Variants in TOX observed in about 807,000 individuals in gnomAD.
TOX encodes thymocyte selection-associated high mobility group box protein TOX.
Under a neutral mutation model 53.7 loss-of-function variants are expected in TOX, and 11 were observed. That is an observed-to-expected ratio of 0.20 (90% CI 0.13 to 0.34). TOX has a LOEUF of 0.34. Ranked by LOEUF, TOX falls within the 10% of genes least tolerant of loss-of-function variation. The probability of loss-of-function intolerance (pLI) is 1.00; values close to 1 mark genes in which losing one functional copy is unlikely to be tolerated. For synonymous variants in TOX, 225 were observed against 245.3 expected, an observed-to-expected ratio of 0.92 and a Z score of 0.77; for missense variants, 570 against 664.6, an observed-to-expected ratio of 0.86 and a Z score of 1.56.
intron 1 of TOX, among the ~76,000 whole-genome samples, chr8:59,002,358 C>G (rs775394943): frequency 3.3e-5 from 5 of 150,752 alleles, no homozygotes; most frequent in Non-Finnish European, 7.4e-5. Flanking sequence ...TTTGGGAGGC[C>G]GAGGAGGGCG....
chr8:59,052,628 T>C (rs930537364), intron 1 of TOX, among the ~76,000 whole-genome samples: 4 of 152,214 alleles, frequency 2.6e-5, no homozygotes, highest in Non-Finnish European at 5.9e-5. Context: ...TATGCTGTTA[T>C]GTTTTTACAT....
intron 1 of TOX, among the ~76,000 whole-genome samples, chr8:59,010,480 G>T (rs1813884204): frequency 6.6e-6 from 1 of 152,142 alleles, no homozygotes; most frequent in African/African-American, 2.4e-5. Context: ...ATGCAAAATG[G>T]CAAAGGTCTT....
chr8:58,983,979 T>G (rs186082298), intron 1 of TOX, among the ~76,000 whole-genome samples: 1 of 152,320 alleles, frequency 6.6e-6, no homozygotes, highest in Non-Finnish European at 1.5e-5. Flanking sequence ...TGAGGCATAT[T>G]TGCCTGAGGA....
intron 1 of TOX, among the ~76,000 whole-genome samples, chr8:58,998,246 T>C (rs1813598494): frequency 6.6e-6 from 1 of 150,918 alleles, no homozygotes; most frequent in Non-Finnish European, 1.5e-5. Context: ...CCCAGCACTT[T>C]GGGAGGCTGA....
chr8:58,909,240 T>C (rs1811869515), intron 3 of TOX, among the ~76,000 whole-genome samples: 1 of 152,194 alleles, frequency 6.6e-6, no homozygotes. Flanking sequence ...CTATTCAAAA[T>C]GTGGATCCTG....
intron 3 of TOX, among the ~76,000 whole-genome samples, chr8:58,852,453 G>A (rs1465523833): frequency 6.6e-6 from 1 of 152,154 alleles, no homozygotes; most frequent in Non-Finnish European, 1.5e-5. Flanking sequence ...CTCTAAAATT[G>A]CAAGGTCAAC....
chr8:58,894,782 A>G (rs756342490), intron 3 of TOX, among the ~76,000 whole-genome samples: 18 of 152,014 alleles, frequency 1.2e-4, no homozygotes, highest in Non-Finnish European at 2.2e-4. Flanking sequence ...TGTAATCCCA[A>G]ATACTCGGGA....
intron 2 of TOX, among the ~76,000 whole-genome samples, chr8:58,947,897 CAAT>C (rs1366755477): frequency 1.3e-5 from 2 of 152,176 alleles, no homozygotes; most frequent in East Asian, 3.8e-4. Context: ...GCTGTCCAGG[CAAT>C]AGCATGCAGG....
rs560208673 is a variant in TOX, at chr8:59,005,776, C to G, written c.103-45768G>C. 2.6e-5 allele frequency among the ~76,000 whole-genome samples: 4 copies of G among 152,316 alleles called. No homozygotes were observed. The South Asian group carries it at 8.3e-4, about 32-fold the overall frequency. On this transcript the variant is annotated intron_variant, in intron 1 of 8. Coordinates refer to ENST00000361421, the MANE Select transcript of TOX (RefSeq NM_014729.3). The stretch of plus-strand genomic sequence containing the variant: ...GAAACACAGTGTCTTTTATTTTTCT[C>G]CACTCTACTGCAGTGAAGCTGAAAG...
At chr8:59,081,824 T>G (rs1007401452) in intron 1 of TOX, among the ~76,000 whole-genome samples, 7 of 152,078 alleles carry the variant, frequency 4.6e-5, no homozygotes, top group African/African-American at 1.7e-4. Context: ...CATAGATAAC[T>G]GACAATGGGA....
intron 3 of TOX, among the ~76,000 whole-genome samples, chr8:58,864,010 G>A (rs1811055177): frequency 6.6e-6 from 1 of 151,978 alleles, no homozygotes; most frequent in South Asian, 2.1e-4. Flanking sequence ...AGGTACATGA[G>A]TAGAATTTAA....
chr8:59,104,984 G>A (rs1804873949), intron 1 of TOX, among the ~76,000 whole-genome samples: 1 of 152,146 alleles, frequency 6.6e-6, no homozygotes, highest in African/African-American at 2.4e-5. Flanking sequence ...ATTCATCTCT[G>A]TGTCCCTCCC....
At chr8:59,076,236 C>T (rs73256333) in intron 1 of TOX, among the ~76,000 whole-genome samples, 5,352 of 152,182 alleles carry the variant, frequency 0.035, 292 homozygotes, top group African/African-American at 0.12. Flanking sequence ...GTGAAAGTCA[C>T]GCTGCAAGAC....
intron 3 of TOX, among the ~76,000 whole-genome samples, chr8:58,890,180 T>C (rs1370690119): frequency 6.6e-5 from 10 of 152,180 alleles, no homozygotes; most frequent in Admixed American, 6.6e-4. Context: ...GGGAATTATG[T>C]ACAAAATATG....
intron 2 of TOX, among the ~76,000 whole-genome samples, chr8:58,940,110 T>C (rs1812411925): frequency 6.6e-6 from 1 of 152,204 alleles, no homozygotes; most frequent in Admixed American, 6.5e-5. Flanking sequence ...GAAAATGCCA[T>C]TAAGAGCTAT....
At chr8:59,101,975 C>CTG (rs1804814338) in intron 1 of TOX, among the ~76,000 whole-genome samples, 1 of 152,152 alleles carries the variant, frequency 6.6e-6, no homozygotes, top group South Asian at 2.1e-4. Context: ...CAGAAGCCCA[C>CTG]TGTGGGCAGG....
At chr8:58,926,174 C>A (rs146077137) in intron 3 of TOX, among the ~76,000 whole-genome samples, 1 of 152,152 alleles carries the variant, frequency 6.6e-6, no homozygotes, top group African/African-American at 2.4e-5. Flanking sequence ...GGCTTCCCAG[C>A]GAGTTTTTGG....
chr8:58,907,454 C>G lies in TOX; in HGVS notation c.411+31848G>C, dbSNP rs144970148. On this transcript the variant is annotated intron_variant, in intron 3 of 8. Coordinates refer to ENST00000361421, the MANE Select transcript of TOX (RefSeq NM_014729.3). ...ACTAAAAATACAAAAATTAACTGAG[C>G]TGTGATGGCGTGCACGTGTAATCTC... Among the ~76,000 whole-genome samples, 858 of 152,194 alleles carry G rather than the reference C, an allele frequency of 5.6e-3. 8 individuals are homozygous for G. The highest frequency in any genetic ancestry group is 0.019 in the African/African-American group (802 of 41,516).
chr8:58,984,518 C>A (rs1423863910), intron 1 of TOX, among the ~76,000 whole-genome samples: 1 of 152,066 alleles, frequency 6.6e-6, no homozygotes, highest in African/African-American at 2.4e-5. Flanking sequence ...AAAGGACGGG[C>A]GCGGTGGCTC....
Sources: allele counts gnomAD v4.1 joint callset (sites outside exome capture counted in the v4.1 genomes callset), GRCh38; gene constraint gnomAD v4.1.1; transcripts MANE v1.5; gene names NCBI Gene and HGNC (gene_info 2026-07-23, HGNC 2026-07-21).